CLEC16A: variants seen among roughly 807,000 people sequenced by gnomAD.
CLEC16A encodes the protein protein CLEC16A.
In CLEC16A, 51 loss-of-function variants were observed where a neutral mutation model predicts 109.5. The observed-to-expected ratio is 0.47, with a 90% CI of 0.37 to 0.59. CLEC16A has a LOEUF of 0.59. CLEC16A is among the 20% of genes least tolerant of loss of function. The pLI is 0.00. For missense variants in CLEC16A, 1,339 were observed against 1,394.0 expected (o/e 0.96, Z 0.63); for synonymous variants, 673 against 564.2 (o/e 1.19, Z -2.73).
intron 1 of CLEC16A, among the ~76,000 whole-genome samples, chr16:10,952,083 A>G (rs900562214): frequency 6.6e-6 from 1 of 152,236 alleles, no homozygotes; most frequent in Non-Finnish European, 1.5e-5. Context: ...GACCCGAGGA[A>G]ATAGATTGCA....
At chr16:10,966,303 A>G (rs767503449) in intron 3 of CLEC16A, among the ~76,000 whole-genome samples, 10 of 152,246 alleles carry the variant, frequency 6.6e-5, no homozygotes, top group Non-Finnish European at 1.0e-4. Context: ...GAGGCCAGAC[A>G]TAGGAAGTGT....
At chr16:10,988,023 T>C (rs1326320949) in intron 10 of CLEC16A, among the ~76,000 whole-genome samples, 1 of 152,262 alleles carries the variant, frequency 6.6e-6, no homozygotes, top group Non-Finnish European at 1.5e-5. Context: ...GAAATTCATC[T>C]GTGCGTTAAA....
chr16:11,089,503 C>T (rs1163197129), intron 19 of CLEC16A, among the ~76,000 whole-genome samples: 2 of 152,162 alleles, frequency 1.3e-5, no homozygotes, highest in Admixed American at 6.5e-5. Context: ...TGTGAAATTG[C>T]TCAAATTGCC....
rs140158445 is a variant in CLEC16A at position 11,168,788 on chromosome 16, G to A, written c.2806+2236G>A. Among the ~76,000 whole-genome samples the A allele has an allele frequency of 2.9e-3, 441 of 152,370 alleles. 3 individuals carry two copies. The highest frequency in any genetic ancestry group is 0.01 in the African/African-American group (426 of 41,584). On this transcript the variant is annotated intron_variant, in intron 23 of 23. Coordinates refer to ENST00000409790, the MANE Select transcript of CLEC16A (RefSeq NM_015226.3). ...CATCTGCCTGCTGTTCCAGCAAGCC[G>A]CAGAGGAGAGAAAGCCAAGGACAGG...
At chr16:11,096,988 A>C (rs922781186) in intron 19 of CLEC16A, among the ~76,000 whole-genome samples, 1 of 152,196 alleles carries the variant, frequency 6.6e-6, no homozygotes, top group Non-Finnish European at 1.5e-5. Flanking sequence ...CCATTTTAAC[A>C]GCATTTTTAA....
chr16:11,002,658 C>T (rs2152751361), intron 10 of CLEC16A, among the ~76,000 whole-genome samples: 1 of 152,210 alleles, frequency 6.6e-6, no homozygotes, highest in Non-Finnish European at 1.5e-5. Context: ...CCAAGTCCAC[C>T]ACCCCTCCCA....
chr16:10,985,906 A>G (rs2043618248), intron 10 of CLEC16A, among the ~76,000 whole-genome samples: 2 of 148,110 alleles, frequency 1.4e-5, no homozygotes, highest in African/African-American at 2.5e-5. Context: ...GGCTTTCACC[A>G]TGTTGGCCAG....
rs1249335204 is a variant in CLEC16A, at chr16:11,125,911, C to A, written c.2474-68C>A. ...GCCACAGCCACTACGATGTCCCCCC[C>A]CCCAAATTCTCACCACCCCCCTCTA... On this transcript the variant is annotated intron_variant, in intron 21 of 23. Transcript: ENST00000409790. The A allele has an allele frequency of 1.8e-5, 4 of 217,590 alleles. 1 individual carries two copies. The highest frequency in any genetic ancestry group is 3.9e-5 in the Non-Finnish European group (4 of 102,580). 13.5% of individuals were successfully genotyped at this position (217,590 alleles called of 1,614,324 possible).
At chr16:11,152,357 C>G (rs967566999) in intron 22 of CLEC16A, among the ~76,000 whole-genome samples, 12 of 152,228 alleles carry the variant, frequency 7.9e-5, no homozygotes, top group African/African-American at 2.7e-4. Context: ...ATGGGTCTGA[C>G]AGATGGTCCT....
At chr16:11,090,690 G>A (rs1160974385) in intron 19 of CLEC16A, among the ~76,000 whole-genome samples, 3 of 152,074 alleles carry the variant, frequency 2.0e-5, no homozygotes, top group African/African-American at 4.8e-5. Flanking sequence ...TGTTGTTCAG[G>A]CTGGAGTGCA....
chr16:11,036,749 A>G (rs1305265526), intron 13 of CLEC16A, among the ~76,000 whole-genome samples: 1 of 151,988 alleles, frequency 6.6e-6, no homozygotes, highest in African/African-American at 2.4e-5. Context: ...GGGTTTCACC[A>G]CATTGGCCAG....
At chr16:11,163,081 G>A (rs1454750836) in intron 22 of CLEC16A, among the ~76,000 whole-genome samples, 2 of 152,220 alleles carry the variant, frequency 1.3e-5, no homozygotes, top group East Asian at 3.8e-4. Context: ...CAGCCCAAGT[G>A]TGTTTGATTC....
At chr16:11,027,606 C>T in intron 13 of CLEC16A, 1 of 1,557,780 alleles carries the variant, frequency 6.4e-7, no homozygotes, top group Non-Finnish European at 8.7e-7. Flanking sequence ...AATTGCATTC[C>T]CAGGGAAGCA....
rs754422652 is a variant in CLEC16A, at chr16:11,120,660, G to T, written c.2162G>T (p.Gly721Val). The change falls in exon 20 of 24, where the codon GGC (glycine) becomes GTC (valine). Residue 721 changes from glycine (G) to valine (V), a missense_variant. Around this residue, in one of 3 missense-constraint regions of CLEC16A, gnomAD observed 1,061 missense variants for 1,006.8 expected, o/e 1.05. Transcript: ENST00000409790. The part of the protein sequence containing the change: ...IACTVITKDG[G>V]MVQRFLAVDI... The stretch of plus-strand genomic sequence containing the variant: ...TGTACAGTGATCACCAAGGATGGCG[G>T]CATGGTCCAGCGATTCCTGGCTGTG... The T allele has an allele frequency of 2.5e-6, 4 of 1,612,890 alleles. No homozygotes were observed. The highest frequency in any genetic ancestry group is 2.2e-5 in the East Asian group (1 of 44,832).
At chr16:11,158,178 G>A (rs768626745) in intron 22 of CLEC16A, among the ~76,000 whole-genome samples, 5 of 152,184 alleles carry the variant, frequency 3.3e-5, no homozygotes, top group Non-Finnish European at 7.3e-5. Flanking sequence ...TCACAGGGCC[G>A]ATTGATTTTT....
intron 22 of CLEC16A, among the ~76,000 whole-genome samples, chr16:11,138,366 T>C (rs1173420799): frequency 1.3e-5 from 2 of 152,212 alleles, no homozygotes; most frequent in African/African-American, 4.8e-5. Context: ...CAGGGCCCGA[T>C]AGCAAAGCGC....
intron 12 of CLEC16A, 54 bp downstream of exon 12, chr16:11,020,379 T>C: frequency 6.5e-7 from 1 of 1,534,320 alleles, no homozygotes; most frequent in Non-Finnish European, 8.8e-7. Context: ...AGGAGAGGGC[T>C]CAGTGGGGAG....
At position 11,017,318 on chromosome 16, in the gene CLEC16A, C is replaced by G. The variant is rs138058551; in HGVS notation, c.1304-2875C>G. 8.1e-3 allele frequency among the ~76,000 whole-genome samples: 1,227 copies of G among 152,252 alleles called. 23 individuals carry two copies. The highest frequency in any genetic ancestry group is 0.028 in the African/African-American group (1,174 of 41,534). ...ACAGTGGAGAACAAGACACATAAGA[C>G]AGCTACAAAACCCCTGTTCTAGTGG... On this transcript the variant is annotated intron_variant, in intron 11 of 23. Transcript: ENST00000409790.
intron 22 of CLEC16A, among the ~76,000 whole-genome samples, chr16:11,162,650 T>C (rs2054764951): frequency 6.6e-6 from 1 of 152,218 alleles, no homozygotes; most frequent in Admixed American, 6.5e-5. Context: ...TCTAACCTTT[T>C]TTCATTGACT....
Sources: gnomAD v4.1 joint callset for allele counts (sites outside exome capture counted in the v4.1 genomes callset) on GRCh38, gnomAD v4.1.1 for gene constraint, gnomAD v4.1.1 regional missense constraint, MANE v1.5 for transcripts, NCBI Gene and HGNC (gene_info 2026-07-23, HGNC 2026-07-21) for gene names.